The following ATP8A1 variants were observed in gnomAD, a reference collection of about 807,000 sequenced individuals.
ATP8A1 encodes ATPase phospholipid transporting 8A1, also known as phospholipid-transporting ATPase IA.
ATP8A1 carries 90 observed loss-of-function variants against 177.7 expected under a neutral mutation model. That is an observed-to-expected ratio of 0.51 (90% CI 0.43 to 0.60). ATP8A1 has a LOEUF of 0.60. Ranked by LOEUF, ATP8A1 falls within the 20% of genes least tolerant of loss-of-function variation. ATP8A1 has a pLI of 0.00. For missense variants in ATP8A1, 1,072 were observed against 1,392.8 expected, an observed-to-expected ratio of 0.77 and a Z score of 3.67; for synonymous variants, 493 against 485.9, an observed-to-expected ratio of 1.01 and a Z score of -0.19.
chr4:42,498,656 G>A (rs1435218832), intron 24 of ATP8A1, among the ~76,000 whole-genome samples: 1 of 151,846 alleles, frequency 6.6e-6, no homozygotes, highest in Non-Finnish European at 1.5e-5. Flanking sequence ...TGTTACATCG[G>A]ACAGCAGTGA....
chr4:42,510,806 T>A (rs1190723145), intron 22 of ATP8A1, among the ~76,000 whole-genome samples: 1 of 152,170 alleles, frequency 6.6e-6, no homozygotes, highest in East Asian at 1.9e-4. Context: ...GAGATCACAT[T>A]GAAATCATAT....
rs539126701 is a variant in ATP8A1, at chr4:42,622,423, AACC to A, written c.363+2110_363+2112del. On this transcript the variant is annotated intron_variant, in intron 4 of 36. Coordinates refer to ENST00000381668, the MANE Select transcript of ATP8A1 (RefSeq NM_006095.2). ...AACACAAAAAAAGACTTAAATATAAAACCCCAAACTATAAAAACCCTGGAAGAA... is the reference window on the plus strand; with the variant it reads ...AACACAAAAAAAGACTTAAATATAAACCAAACTATAAAAACCCTGGAAGAA... 2.3e-3 allele frequency among the ~76,000 whole-genome samples: 354 copies of A among 152,052 alleles called. 1 individual carries two copies. The highest frequency in any genetic ancestry group is 8.3e-3 in the African/African-American group (344 of 41,490).
At chr4:42,552,826 A>C (rs1314509421) in intron 16 of ATP8A1, among the ~76,000 whole-genome samples, 1 of 152,196 alleles carries the variant, frequency 6.6e-6, no homozygotes, top group Non-Finnish European at 1.5e-5. Flanking sequence ...TGAAAATACA[A>C]AATCTGGCCA....
intron 35 of ATP8A1, among the ~76,000 whole-genome samples, chr4:42,415,569 C>G (rs1254064313): frequency 6.6e-6 from 1 of 152,010 alleles, no homozygotes; most frequent in African/African-American, 2.4e-5. Context: ...CCAAATCATG[C>G]CATTTCTTCA....
At chr4:42,633,502 AATAAG>A (rs1441570614) in intron 1 of ATP8A1, among the ~76,000 whole-genome samples, 1 of 152,226 alleles carries the variant, frequency 6.6e-6, no homozygotes, top group South Asian at 2.1e-4. Flanking sequence ...AATAGCAGGA[AATAAG>A]ATAAGGTCCT....
chr4:42,434,218 A>G (rs1293037963), intron 33 of ATP8A1, among the ~76,000 whole-genome samples: 1 of 152,198 alleles, frequency 6.6e-6, no homozygotes, highest in East Asian at 1.9e-4. Flanking sequence ...AAATTTTAAA[A>G]TACTATGATG....
intron 1 of ATP8A1, among the ~76,000 whole-genome samples, chr4:42,639,453 C>T (rs1739725611): frequency 6.6e-6 from 1 of 152,118 alleles, no homozygotes; most frequent in South Asian, 2.1e-4. Flanking sequence ...TTCTCAGCTC[C>T]AACATCTACT....
At chr4:42,515,727 A>T (rs930721341) in intron 22 of ATP8A1, among the ~76,000 whole-genome samples, 1 of 152,208 alleles carries the variant, frequency 6.6e-6, no homozygotes, top group African/African-American at 2.4e-5. Context: ...CACTGAAACA[A>T]AAGGCAGAAA....
At chr4:42,617,989 T>G (rs983494074) in intron 4 of ATP8A1, among the ~76,000 whole-genome samples, 1 of 152,146 alleles carries the variant, frequency 6.6e-6, no homozygotes, top group Non-Finnish European at 1.5e-5. Flanking sequence ...TAAGCTATTC[T>G]CTGAGTTCAA....
At chr4:42,593,295 A>C (rs564163744) in intron 6 of ATP8A1, among the ~76,000 whole-genome samples, 104 of 152,206 alleles carry the variant, frequency 6.8e-4, no homozygotes, top group African/African-American at 2.2e-3. Context: ...ATTTATCCTG[A>C]TAAAGTTATA....
At chr4:42,620,484 G>A (rs576454997) in intron 4 of ATP8A1, among the ~76,000 whole-genome samples, 10 of 152,214 alleles carry the variant, frequency 6.6e-5, no homozygotes, top group Middle Eastern at 3.4e-3. Flanking sequence ...TATTTGCCAC[G>A]TACTTTCAAA....
At chr4:42,493,343 A>T (rs1722918647) in intron 24 of ATP8A1, among the ~76,000 whole-genome samples, 1 of 152,216 alleles carries the variant, frequency 6.6e-6, no homozygotes, top group Non-Finnish European at 1.5e-5. Context: ...GGAAAAGGGA[A>T]AATTAAATGT....
At chr4:42,575,033 C>G (rs1732301951) in intron 13 of ATP8A1, among the ~76,000 whole-genome samples, 2 of 152,292 alleles carry the variant, frequency 1.3e-5, no homozygotes, top group African/African-American at 4.8e-5. Context: ...CAGCATTTCT[C>G]AATGCAACAG....
In ATP8A1 at chr4:42,594,457, T is replaced by C. The variant is rs1240129788; in HGVS notation, c.451-3573A>G. 1.6e-5 allele frequency: 11 copies of C among 708,814 alleles called. No homozygotes were observed. The African/African-American group carries it at 1.9e-4, about 12-fold the overall frequency. 43.9% of individuals were successfully genotyped at this position (708,814 alleles called of 1,614,324 possible). A position where few individuals can be genotyped will look rare whatever the true frequency, so the allele number is the denominator to read the frequency against. On this transcript the variant is annotated intron_variant, in intron 6 of 36. Coordinates refer to ENST00000381668, the MANE Select transcript of ATP8A1 (RefSeq NM_006095.2). ...AAAAGCATAGAATACACAGTAAAAATGGTTATCGGCAAACAAGAACCACTT... is the reference window on the plus strand; with the variant it reads ...AAAAGCATAGAATACACAGTAAAAACGGTTATCGGCAAACAAGAACCACTT...
At chr4:42,620,681 C>T (rs1191178693) in intron 4 of ATP8A1, among the ~76,000 whole-genome samples, 1 of 152,202 alleles carries the variant, frequency 6.6e-6, no homozygotes, top group East Asian at 1.9e-4. Context: ...CCTCCTGCCT[C>T]CTCTTATCTG....
intron 6 of ATP8A1, chr4:42,594,464 C>A: frequency 1.0e-5 from 7 of 670,258 alleles, no homozygotes; most frequent in Admixed American, 2.2e-5. Flanking sequence ...AAATGGTTAT[C>A]GGCAAACAAG....
intron 1 of ATP8A1, among the ~76,000 whole-genome samples, chr4:42,630,149 T>C (rs1738576481): frequency 6.6e-6 from 1 of 152,220 alleles, no homozygotes; most frequent in East Asian, 1.9e-4. Flanking sequence ...AAGAGCTACA[T>C]GTGCATACCT....
intron 6 of ATP8A1, 139 bp from the exon 7 acceptor site, chr4:42,591,023 G>A: frequency 1.4e-6 from 1 of 731,624 alleles, no homozygotes; most frequent in Non-Finnish European, 2.2e-6. Flanking sequence ...AACATCTAAT[G>A]CCAATTTTTT....
Position 42,430,575 on chromosome 4 carries a change from T to C in ATP8A1, c.3124-6870A>G, listed in dbSNP as rs552379413. 2.4e-3 allele frequency among the ~76,000 whole-genome samples: 372 copies of C among 152,190 alleles called. 2 individuals carry two copies. The highest frequency in any genetic ancestry group is 8.3e-3 in the African/African-American group (344 of 41,508). ...TCATGGGGGTTTGACATGCAGATTATTTCCTCACCCAGGTATTGAGCTTAG... is the reference window on the plus strand; with the variant it reads ...TCATGGGGGTTTGACATGCAGATTACTTCCTCACCCAGGTATTGAGCTTAG... On this transcript the variant is annotated intron_variant, in intron 33 of 36. Coordinates refer to ENST00000381668, the MANE Select transcript of ATP8A1 (RefSeq NM_006095.2).
Sources: allele counts gnomAD v4.1 joint callset (sites outside exome capture counted in the v4.1 genomes callset), GRCh38; gene constraint gnomAD v4.1.1; transcripts MANE v1.5; gene names NCBI Gene and HGNC (gene_info 2026-07-23, HGNC 2026-07-21).